CADM2: variants seen among roughly 807,000 people sequenced by gnomAD.
The protein encoded by CADM2 is immunoglobulin superfamily member 4D.
In CADM2, 12 loss-of-function variants were observed where a neutral mutation model predicts 49.8. The observed-to-expected ratio is 0.24, with a 90% CI of 0.15 to 0.39. CADM2 has a LOEUF of 0.39. Ranked by LOEUF, CADM2 falls within the 10% of genes least tolerant of loss-of-function variation. The pLI, the probability that CADM2 is intolerant of heterozygous loss-of-function variation, is 1.00. For synonymous variants in CADM2, 214 were observed against 175.4 expected (o/e 1.22, Z -1.74); for missense variants, 378 against 492.3 (o/e 0.77, Z 2.20).
intron 1 of CADM2, among the ~76,000 whole-genome samples, chr3:85,523,286 A>C (rs972633875): frequency 2.2e-4 from 34 of 152,286 alleles, no homozygotes; most frequent in Admixed American, 1.7e-3. Flanking sequence ...GGAAGGCTGC[A>C]TCCCAGAAGT....
intron 2 of CADM2, among the ~76,000 whole-genome samples, chr3:85,782,712 T>A (rs2070733645): frequency 6.6e-6 from 1 of 151,880 alleles, no homozygotes; most frequent in Non-Finnish European, 1.5e-5. Context: ...CTTTCGAATC[T>A]TTCTTTCTCT....
At chr3:84,999,720 C>T (rs564529617) in intron 1 of CADM2, among the ~76,000 whole-genome samples, 1 of 152,198 alleles carries the variant, frequency 6.6e-6, no homozygotes, top group East Asian at 1.9e-4. Flanking sequence ...CGGCAAATGA[C>T]CATGAAAGCA....
chr3:85,598,815 T>C (rs1252430698), intron 1 of CADM2, among the ~76,000 whole-genome samples: 1 of 150,884 alleles, frequency 6.6e-6, no homozygotes, highest in Non-Finnish European at 1.5e-5. Flanking sequence ...ATATAGTGTA[T>C]ACATTTGCAT....
At chr3:85,010,851 CTTTTTTTTT>C (rs71105001) in intron 1 of CADM2, among the ~76,000 whole-genome samples, 7 of 35,684 alleles carry the variant, frequency 2.0e-4, no homozygotes, top group South Asian at 2.2e-3. Context: ...CTGTTTATGT[CTTTTTTTTT>C]TTTTTTTTTT....
intron 1 of CADM2, among the ~76,000 whole-genome samples, chr3:85,114,063 G>C (rs1051833749): frequency 2.0e-5 from 3 of 151,996 alleles, no homozygotes; most frequent in African/African-American, 7.2e-5. Flanking sequence ...TAAACCATAA[G>C]TATAGGATCC....
intron 1 of CADM2, among the ~76,000 whole-genome samples, chr3:85,339,223 T>C (rs1334771443): frequency 1.3e-5 from 2 of 151,470 alleles, no homozygotes; most frequent in Non-Finnish European, 3.0e-5. Flanking sequence ...AAGTCAGGCA[T>C]TAATATTTGA....
intron 1 of CADM2, among the ~76,000 whole-genome samples, chr3:85,239,878 G>T (rs1028205696): frequency 3.3e-5 from 5 of 151,292 alleles, no homozygotes; most frequent in African/African-American, 1.2e-4. Flanking sequence ...AGTGCACACT[G>T]AAATTTATGA....
At chr3:85,328,195 C>T (rs781659277) in intron 1 of CADM2, among the ~76,000 whole-genome samples, 12 of 152,084 alleles carry the variant, frequency 7.9e-5, no homozygotes, top group Non-Finnish European at 1.2e-4. Flanking sequence ...AATATGAATT[C>T]CTGTCTAACA....
At chr3:85,128,108 T>C (rs2039098659) in intron 1 of CADM2, among the ~76,000 whole-genome samples, 1 of 152,180 alleles carries the variant, frequency 6.6e-6, no homozygotes. Context: ...TGCTTATATA[T>C]GTTTTTATTG....
At chr3:85,883,698 A>G (rs909665783) in intron 4 of CADM2, among the ~76,000 whole-genome samples, 1 of 152,214 alleles carries the variant, frequency 6.6e-6, no homozygotes, top group Non-Finnish European at 1.5e-5. Flanking sequence ...CTTAGCCAGC[A>G]ATAGACACCG....
At chr3:85,342,097 T>G (rs1160161857) in intron 1 of CADM2, among the ~76,000 whole-genome samples, 1 of 151,970 alleles carries the variant, frequency 6.6e-6, no homozygotes, top group Non-Finnish European at 1.5e-5. Flanking sequence ...GGGAGAAAAT[T>G]TTTGCAATCT....
chr3:85,762,581 C>G (rs1298799814), intron 2 of CADM2, among the ~76,000 whole-genome samples: 3 of 139,756 alleles, frequency 2.1e-5, no homozygotes, highest in Non-Finnish European at 4.5e-5. Flanking sequence ...ACAGCGTGAG[C>G]CACTGCACTA....
At chr3:85,693,173 C>G (rs543986504) in intron 1 of CADM2, among the ~76,000 whole-genome samples, 281 of 151,392 alleles carry the variant, frequency 1.9e-3, no homozygotes, top group Non-Finnish European at 3.7e-3. Context: ...GGCATGAACC[C>G]GGGAAGAGAA....
chr3:85,988,107 A>G (rs1728344580), intron 8 of CADM2, among the ~76,000 whole-genome samples: 2 of 152,210 alleles, frequency 1.3e-5, no homozygotes, highest in South Asian at 4.1e-4. Context: ...AATAAATAAG[A>G]GCAAATGCCA....
chr3:85,486,339 G>A (rs1435425500), intron 1 of CADM2, among the ~76,000 whole-genome samples: 1 of 152,002 alleles, frequency 6.6e-6, no homozygotes, highest in East Asian at 1.9e-4. Flanking sequence ...GGCTAATAAT[G>A]GGAATACATT....
intron 3 of CADM2, among the ~76,000 whole-genome samples, chr3:85,829,463 A>T (rs955872781): frequency 1.3e-5 from 2 of 152,028 alleles, no homozygotes; most frequent in African/African-American, 4.8e-5. Flanking sequence ...TATGGAAAAA[A>T]ATCACTATAC....
At chr3:85,999,674 AAAAAGAAAG>A (rs1162442988) in intron 8 of CADM2, among the ~76,000 whole-genome samples, 9 of 151,766 alleles carry the variant, frequency 5.9e-5, no homozygotes, top group African/African-American at 1.9e-4. Flanking sequence ...AGAAAGAAAG[AAAAAGAAAG>A]AAAAGAAAGA....
intron 1 of CADM2, among the ~76,000 whole-genome samples, chr3:85,718,963 A>G (rs149694281): frequency 9.3e-4 from 140 of 150,550 alleles, no homozygotes; most frequent in Middle Eastern, 7.1e-3. Flanking sequence ...GCCAGGCTGG[A>G]GTGCAGTGGC....
chr3:85,935,430 T>C (rs1426250669), intron 6 of CADM2, among the ~76,000 whole-genome samples: 1 of 152,062 alleles, frequency 6.6e-6, no homozygotes, highest in Admixed American at 6.6e-5. Flanking sequence ...ATAATAGTAT[T>C]CATAGCCATC....
Sources: allele counts gnomAD v4.1 joint callset (sites outside exome capture counted in the v4.1 genomes callset), GRCh38; gene constraint gnomAD v4.1.1; transcripts MANE v1.5; gene names NCBI Gene and HGNC (gene_info 2026-07-23, HGNC 2026-07-21).